The following PRKCH variants were observed in gnomAD, a reference collection of about 807,000 sequenced individuals.
The protein encoded by PRKCH is protein kinase C eta type.
Under a neutral mutation model 82.5 loss-of-function variants are expected in PRKCH, and 28 were observed. The ratio of observed to expected loss-of-function variants is 0.34; its 90% CI spans 0.25 to 0.47. PRKCH has a LOEUF of 0.47. Among genes scored for constraint, PRKCH ranks in the 20% least tolerant of loss-of-function variants. The pLI, the probability that PRKCH is intolerant of heterozygous loss-of-function variation, is 1.00. For missense variants in PRKCH, 705 were observed against 881.8 expected (o/e 0.80, Z 2.54); for synonymous variants, 322 against 327.4 (o/e 0.98, Z 0.18).
At chr14:61,205,146 A>G (rs1046525169) in intron 1 of PRKCH, among the ~76,000 whole-genome samples, 12 of 152,250 alleles carry the variant, frequency 7.9e-5, no homozygotes, top group Admixed American at 5.2e-4. Context: ...GTCTAAGCAC[A>G]TGATCTTCAA....
chr14:61,515,475 G>C (rs1271998549), intron 10 of PRKCH, among the ~76,000 whole-genome samples: 1 of 152,182 alleles, frequency 6.6e-6, no homozygotes, highest in Non-Finnish European at 1.5e-5. Context: ...TTTTGTCATT[G>C]TACTGACCTG....
At chr14:61,450,776 T>TA in intron 5 of PRKCH, 66 bp from the exon 6 acceptor site, 2 of 1,563,394 alleles carry the variant, frequency 1.3e-6, no homozygotes, top group South Asian at 2.4e-5. Flanking sequence ...GGGCTCCTAT[T>TA]ACAGTTTTTA....
At chr14:61,279,086 C>T (rs2045231853) in intron 1 of PRKCH, 1 of 151,776 alleles carries the variant, frequency 6.6e-6, no homozygotes, top group Admixed American at 6.6e-5. Flanking sequence ...AGATCTCTTC[C>T]AGCTATCTGA....
intron 1 of PRKCH, among the ~76,000 whole-genome samples, chr14:61,335,970 C>T (rs2045852151): frequency 6.6e-6 from 1 of 152,184 alleles, no homozygotes; most frequent in Admixed American, 6.5e-5. Flanking sequence ...CTCTCATTAG[C>T]AGGGATAATT....
intron 1 of PRKCH, among the ~76,000 whole-genome samples, chr14:61,334,685 G>C (rs1210698984): frequency 6.6e-6 from 1 of 152,116 alleles, no homozygotes; most frequent in Admixed American, 6.6e-5. Flanking sequence ...TTGCTTCCTA[G>C]GAGTGTGAAC....
intron 1 of PRKCH, chr14:61,326,920 C>T (rs763274665): frequency 1.3e-4 from 40 of 302,270 alleles, no homozygotes; most frequent in Non-Finnish European, 2.0e-4. Context: ...TCTGTTTAAA[C>T]TCTATTTTCT....
chr14:61,413,010 C>G (rs1245237341), intron 2 of PRKCH, among the ~76,000 whole-genome samples: 1 of 152,152 alleles, frequency 6.6e-6, no homozygotes, highest in Non-Finnish European at 1.5e-5. Context: ...GTCCCTTGCT[C>G]TCCTTTGGCT....
chr14:61,283,568 T>C (rs2045289930), intron 1 of PRKCH, among the ~76,000 whole-genome samples: 1 of 152,176 alleles, frequency 6.6e-6, no homozygotes, highest in Admixed American at 6.5e-5. Flanking sequence ...GAGGTCTTGC[T>C]GGGCATGGTG....
intron 1 of PRKCH, among the ~76,000 whole-genome samples, chr14:61,213,908 A>G (rs1409679347): frequency 6.6e-6 from 1 of 152,232 alleles, no homozygotes; most frequent in Non-Finnish European, 1.5e-5. Flanking sequence ...TGGGGATACT[A>G]CAGGAAACAA....
chr14:61,364,381 T>C (rs1217872950), intron 1 of PRKCH, among the ~76,000 whole-genome samples: 1 of 151,824 alleles, frequency 6.6e-6, no homozygotes, highest in African/African-American at 2.4e-5. Context: ...TCAGCTGAGA[T>C]TAGAAACTGA....
At chr14:61,419,917 A>G (rs1027012345) in intron 2 of PRKCH, among the ~76,000 whole-genome samples, 1 of 152,198 alleles carries the variant, frequency 6.6e-6, no homozygotes, top group Non-Finnish European at 1.5e-5. Flanking sequence ...TTTGGCTACC[A>G]CAATTTGCCC....
chr14:61,426,808 A>G (rs772008277), intron 2 of PRKCH, among the ~76,000 whole-genome samples: 1 of 152,220 alleles, frequency 6.6e-6, no homozygotes, highest in Non-Finnish European at 1.5e-5. Context: ...AAATGTGGAA[A>G]GTTTCGTCTG....
At chr14:61,434,326 C>A (rs991235225) in intron 2 of PRKCH, among the ~76,000 whole-genome samples, 13 of 152,014 alleles carry the variant, frequency 8.6e-5, no homozygotes, top group Non-Finnish European at 1.8e-4. Context: ...ATGATGCAAC[C>A]CAAATGTGAT....
intron 1 of PRKCH, among the ~76,000 whole-genome samples, chr14:61,366,828 T>C: frequency 6.6e-6 from 1 of 152,052 alleles, no homozygotes; most frequent in East Asian, 1.9e-4. Flanking sequence ...CTGGGGGCTC[T>C]TATTATAATG....
intron 1 of PRKCH, among the ~76,000 whole-genome samples, chr14:61,236,749 G>T (rs1237316372): frequency 3.3e-5 from 5 of 149,548 alleles, no homozygotes; most frequent in African/African-American, 4.9e-5. Context: ...AATGAAGCTG[G>T]CTCAGTCCCA....
intron 9 of PRKCH, among the ~76,000 whole-genome samples, chr14:61,483,571 C>A (rs77861322): frequency 1.3e-5 from 2 of 151,854 alleles, no homozygotes; most frequent in South Asian, 4.2e-4. Flanking sequence ...CTAATTAAGG[C>A]GTTAGTTAAA....
chr14:61,437,150 G>A lies in PRKCH; in HGVS notation c.428-5961G>A, dbSNP rs569160978. Among the ~76,000 whole-genome samples the A allele has an allele frequency of 1.8e-4, 27 of 152,236 alleles. No individual in the cohort carries two copies. The East Asian group carries it at 4.6e-3, about 26-fold the overall frequency. The stretch of plus-strand genomic sequence containing the variant: ...GTTGTATTTCCAGTTGTAAATAGCC[G>A]TTTAGTTAAGTTAGGCATTTGTTTA... On this transcript the variant is annotated intron_variant, in intron 2 of 13. Transcript: ENST00000332981.
intron 9 of PRKCH, among the ~76,000 whole-genome samples, chr14:61,459,108 A>T (rs1443371040): frequency 3.3e-5 from 5 of 152,218 alleles, no homozygotes; most frequent in Non-Finnish European, 7.3e-5. Flanking sequence ...ATCAATGAAG[A>T]GGGAAAATGG....
At chr14:61,281,361 C>T in intron 1 of PRKCH, 4 of 352,920 alleles carry the variant, frequency 1.1e-5, no homozygotes, top group Non-Finnish European at 2.1e-5. Context: ...CCAGTTCCGC[C>T]TCCGCCCAGG....
Sources: allele counts gnomAD v4.1 joint callset (sites outside exome capture counted in the v4.1 genomes callset), GRCh38; gene constraint gnomAD v4.1.1; transcripts MANE v1.5; gene names NCBI Gene and HGNC (gene_info 2026-07-23, HGNC 2026-07-21).